Variants in FYTTD1 observed in about 807,000 individuals in gnomAD.
The protein encoded by FYTTD1 is UAP56-interacting factor.
Under a neutral mutation model 40.9 loss-of-function variants are expected in FYTTD1, and 22 were observed. That is an observed-to-expected ratio of 0.54 (90% CI 0.38 to 0.77). The LOEUF is 0.77. FYTTD1 is among the 30% of genes least tolerant of loss of function. The pLI is 0.00. For synonymous variants in FYTTD1, 140 were observed against 137.9 expected (o/e 1.01, Z -0.10); for missense variants, 351 against 392.2 (o/e 0.90, Z 0.89).
In FYTTD1 at chr3:197,770,655, C is replaced by T. The variant is rs117452096; in HGVS notation, c.497+411C>T. Among the ~76,000 whole-genome samples the T allele has an allele frequency of 2.4e-4, 37 of 152,280 alleles. No homozygotes were observed. The East Asian group carries it at 7.1e-3, about 29-fold the overall frequency. ...TGGCCTGCCCTGGGCTCAAGCGATC[C>T]TCCCACATCAGCCTCCTGAGTAGCT... is the stretch of plus-strand genomic sequence containing the variant. On this transcript the variant is annotated intron_variant, in intron 4 of 8. Transcript: ENST00000241502.
rs766115736 is a variant in FYTTD1 at position 197,768,520 on chromosome 3, C to G, written c.317C>G (p.Ala106Gly). The change falls in exon 3 of 9, where the codon GCA becomes GGA. Residue 106 changes from alanine to glycine, a missense_variant. By Grantham distance (60) the Ala-to-Gly change is moderately conservative. Coordinates refer to ENST00000241502, the MANE Select transcript of FYTTD1 (RefSeq NM_032288.7). ...CCTAATGGAGTTATCACTGGCCTTG[C>G]AGCTAGGAAAACGACTGGAATTCGA... is the stretch of plus-strand genomic sequence containing the variant. Reference protein sequence around the residue: ...RRPNGVITGLAARKTTGIRKG... With the variant: ...RRPNGVITGLGARKTTGIRKG... 6.2e-7 allele frequency: 1 copy of G among 1,613,414 alleles called. No homozygotes were observed. The highest frequency in any genetic ancestry group is 1.3e-5 in the African/African-American group (1 of 74,916).
At chr3:197,769,201 C>T (rs1229060030) in intron 3 of FYTTD1, among the ~76,000 whole-genome samples, 2 of 152,174 alleles carry the variant, frequency 1.3e-5, no homozygotes, top group Non-Finnish European at 2.9e-5. Flanking sequence ...AATTCTTCTG[C>T]CTCAGCCTCC....
chr3:197,759,510 AGTT>A (rs1198339158), intron 2 of FYTTD1, among the ~76,000 whole-genome samples: 19 of 151,392 alleles, frequency 1.3e-4, no homozygotes, highest in Non-Finnish European at 2.6e-4. Flanking sequence ...GAATGTATGG[AGTT>A]GTTCCTCAGT....
At position 197,780,647 on chromosome 3, in the gene FYTTD1, A is replaced by G. The variant is rs574302777; in HGVS notation, c.859-1164A>G. Among the ~76,000 whole-genome samples, 6 of 152,030 alleles carry G rather than the reference A, an allele frequency of 3.9e-5. No individual in the cohort carries two copies. In the East Asian group the frequency reaches 9.8e-4, roughly 25 times the overall value. ...AACCTCTGCCTCCTGGGTTCAAGCA[A>G]TTCTCCTGCCTTAGCCTCCTGAGTA... On this transcript the variant is annotated intron_variant, in intron 8 of 8. Transcript: ENST00000241502.
At chr3:197,750,293 G>A (rs911135979) in intron 1 of FYTTD1, 4 of 1,058,312 alleles carry the variant, frequency 3.8e-6, no homozygotes, top group South Asian at 7.4e-5. Flanking sequence ...CCTCGGCCGC[G>A]GCAGTCGGAG....
At chr3:197,767,175 C>T (rs1208675124) in intron 2 of FYTTD1, among the ~76,000 whole-genome samples, 2 of 151,928 alleles carry the variant, frequency 1.3e-5, no homozygotes, top group African/African-American at 2.4e-5. Flanking sequence ...GAGTCTCGCT[C>T]TTCGCCCAGG....
chr3:197,754,603 A>T (rs1482375951), intron 1 of FYTTD1, among the ~76,000 whole-genome samples: 1 of 151,364 alleles, frequency 6.6e-6, no homozygotes, highest in Non-Finnish European at 1.5e-5. Flanking sequence ...TTGCTTTCTC[A>T]ATTATGAAAT....
At chr3:197,766,175 AAAAAG>A (rs1209617568) in intron 2 of FYTTD1, among the ~76,000 whole-genome samples, 19 of 105,818 alleles carry the variant, frequency 1.8e-4, no homozygotes, top group Non-Finnish European at 2.3e-4. Context: ...AAAAAAAAAA[AAAAAG>A]AGTTTGCTTT....
chr3:197,759,835 A>G (rs1437410273), intron 2 of FYTTD1, among the ~76,000 whole-genome samples: 12 of 150,950 alleles, frequency 7.9e-5, no homozygotes, highest in Non-Finnish European at 1.5e-5. Flanking sequence ...CAGTGGTAGA[A>G]CGTATAGAGT....
At chr3:197,760,816 T>C (rs73894344) in intron 2 of FYTTD1, among the ~76,000 whole-genome samples, 5,651 of 152,120 alleles carry the variant, frequency 0.037, 364 homozygotes, top group African/African-American at 0.13. Flanking sequence ...TATAGATTTG[T>C]TCCTCAGTGG....
At chr3:197,769,587 T>C (rs1321168866) in intron 3 of FYTTD1, among the ~76,000 whole-genome samples, 1 of 152,302 alleles carries the variant, frequency 6.6e-6, no homozygotes, top group South Asian at 2.1e-4. Flanking sequence ...AAAAAGAGGA[T>C]GTCTCATGTG....
chr3:197,772,177 C>T (rs1245840867), intron 4 of FYTTD1, among the ~76,000 whole-genome samples: 1 of 152,152 alleles, frequency 6.6e-6, no homozygotes, highest in South Asian at 2.1e-4. Context: ...TTGATAGTAC[C>T]TTTTGTGAAA....
chr3:197,770,525 C>G (rs772017128), intron 4 of FYTTD1, among the ~76,000 whole-genome samples: 6 of 152,158 alleles, frequency 3.9e-5, no homozygotes, highest in Non-Finnish European at 7.3e-5. Flanking sequence ...AAGCTGATCA[C>G]TTTAGTAGAA....
rs1206195934 is a variant in FYTTD1 at position 197,785,936 on chromosome 3, T to G, written c.*4027T>G. 6.0e-5 allele frequency: 9 copies of G among 150,914 alleles called. No homozygotes were observed. The highest frequency in any genetic ancestry group is 2.4e-5 in the African/African-American group (1 of 41,016). The allele number at this position is 150,914 out of a possible 1,614,324, so 9.3% of individuals were successfully genotyped here. ...TGGATAGATCAATTTGGAACTAGCT[T>G]CTTTTTTTTTTTTTTAAATGATACT... On this transcript the variant is annotated 3_prime_UTR_variant, in exon 9 of 9. Coordinates refer to ENST00000241502, the MANE Select transcript of FYTTD1 (RefSeq NM_032288.7).
intron 8 of FYTTD1, among the ~76,000 whole-genome samples, chr3:197,781,405 C>T (rs569032652): frequency 6.6e-5 from 10 of 150,452 alleles, no homozygotes; most frequent in African/African-American, 2.5e-4. Context: ...TTTGTAGATG[C>T]TGTTGTTAAT....
chr3:197,779,633 C>T (rs956872410), intron 8 of FYTTD1, among the ~76,000 whole-genome samples: 25 of 142,246 alleles, frequency 1.8e-4, no homozygotes, highest in African/African-American at 5.7e-4. Flanking sequence ...CAGACTCAAA[C>T]GATCCTTCCT....
At chr3:197,759,084 A>G (rs1249686013) in intron 2 of FYTTD1, among the ~76,000 whole-genome samples, 1 of 151,880 alleles carries the variant, frequency 6.6e-6, no homozygotes, top group Non-Finnish European at 1.5e-5. Flanking sequence ...CTTCAGTGGT[A>G]GAAAGTATAG....
At chr3:197,759,592 G>C (rs544872964) in intron 2 of FYTTD1, among the ~76,000 whole-genome samples, 1 of 151,382 alleles carries the variant, frequency 6.6e-6, no homozygotes, top group Non-Finnish European at 1.5e-5. Flanking sequence ...AGAGCGTATA[G>C]AGTTGTTCTT....
intron 6 of FYTTD1, among the ~76,000 whole-genome samples, chr3:197,774,675 T>C (rs184562964): frequency 0.013 from 1,159 of 89,912 alleles, 6 homozygotes; most frequent in Middle Eastern, 0.029. Flanking sequence ...CGCCAGTGCA[T>C]ACCATCCTGA....
Sources: gnomAD v4.1 joint callset for allele counts (sites outside exome capture counted in the v4.1 genomes callset) on GRCh38, gnomAD v4.1.1 for gene constraint, MANE v1.5 for transcripts, NCBI Gene and HGNC (gene_info 2026-07-23, HGNC 2026-07-21) for gene names.